The following PRKG1 variants were observed in gnomAD, a reference collection of about 807,000 sequenced individuals.
PRKG1 encodes protein kinase cGMP-dependent 1.
A neutral mutation model predicts 88.1 loss-of-function variants in PRKG1; 35 were observed. That is an observed-to-expected ratio of 0.40 (90% CI 0.30 to 0.53). The LOEUF (loss-of-function observed/expected upper bound fraction) is 0.53. PRKG1 is among the 20% of genes least tolerant of loss of function. The pLI is 0.59. For synonymous variants in PRKG1, 303 were observed against 292.5 expected (o/e 1.04, Z -0.37); for missense variants, 540 against 839.8 (o/e 0.64, Z 4.41).
chr10:51,758,146 A>C (rs913819823), intron 3 of PRKG1, among the ~76,000 whole-genome samples: 10 of 152,194 alleles, frequency 6.6e-5, no homozygotes, highest in Admixed American at 5.9e-4. Context: ...AAAAAATTTA[A>C]ACTATGTGCT....
intron 5 of PRKG1, among the ~76,000 whole-genome samples, chr10:51,972,371 T>C (rs79434946): frequency 7.4e-4 from 113 of 152,332 alleles, no homozygotes; most frequent in Non-Finnish European, 1.4e-3. Context: ...ATGCTGTTCT[T>C]GAGCTGAGTG....
chr10:52,240,698 C>T (rs187117629), intron 9 of PRKG1, among the ~76,000 whole-genome samples: 1 of 152,166 alleles, frequency 6.6e-6, no homozygotes, highest in African/African-American at 2.4e-5. Context: ...AACAACTTAA[C>T]ATGGTAAAAA....
chr10:51,897,803 A>G (rs185369966), intron 4 of PRKG1, among the ~76,000 whole-genome samples: 1 of 151,958 alleles, frequency 6.6e-6, no homozygotes, highest in South Asian at 2.1e-4. Context: ...GTGGACTCTC[A>G]TCTGGTCTAC....
intron 2 of PRKG1, among the ~76,000 whole-genome samples, chr10:51,452,653 G>A (rs187134978): frequency 4.3e-4 from 65 of 152,078 alleles, no homozygotes; most frequent in Non-Finnish European, 7.5e-4. Flanking sequence ...ACTTGATCAT[G>A]GTGGATTATC....
At chr10:51,108,795 T>C (rs1844910714) in intron 1 of PRKG1, among the ~76,000 whole-genome samples, 1 of 152,176 alleles carries the variant, frequency 6.6e-6, no homozygotes, top group Non-Finnish European at 1.5e-5. Flanking sequence ...GAATAAAAAG[T>C]ATATTTATAT....
chr10:51,018,111 C>T (rs567325954), intron 1 of PRKG1, among the ~76,000 whole-genome samples: 5 of 152,150 alleles, frequency 3.3e-5, no homozygotes, highest in Non-Finnish European at 5.9e-5. Flanking sequence ...CATGAGCCCC[C>T]GAGCCAGTGT....
chr10:51,745,190 TA>T (rs1837545667), intron 3 of PRKG1, among the ~76,000 whole-genome samples: 1 of 152,242 alleles, frequency 6.6e-6, no homozygotes, highest in Non-Finnish European at 1.5e-5. Flanking sequence ...ATATGGTTTT[TA>T]AGAGTCAAAT....
At chr10:51,916,769 C>A (rs930992120) in intron 5 of PRKG1, among the ~76,000 whole-genome samples, 1 of 152,076 alleles carries the variant, frequency 6.6e-6, no homozygotes, top group African/African-American at 2.4e-5. Flanking sequence ...GCAAACAACC[C>A]AAGTGGTCAT....
Position 52,006,467 on chromosome 10 carries a change from A to G in PRKG1, c.763-48017A>G, listed in dbSNP as rs530354448. 9.8e-5 allele frequency among the ~76,000 whole-genome samples: 15 copies of G among 152,328 alleles called. No individual in the cohort carries two copies. In the South Asian group the frequency reaches 2.7e-3, roughly 27 times the overall value. ...CTAATCTGATAGAGCTGAAAAATAC[A>G]CAAGAATTGCATAATGCAAATGTTA... On this transcript the variant is annotated intron_variant, in intron 5 of 17. Coordinates refer to ENST00000373980, the MANE Select transcript of PRKG1 (RefSeq NM_006258.4).
At chr10:51,526,961 A>G (rs1016526572) in intron 3 of PRKG1, among the ~76,000 whole-genome samples, 6 of 152,214 alleles carry the variant, frequency 3.9e-5, no homozygotes, top group African/African-American at 1.4e-4. Context: ...GAAGGACCAA[A>G]TAGTAAAAAT....
At chr10:51,186,469 C>T (rs569317632) in intron 2 of PRKG1, among the ~76,000 whole-genome samples, 2 of 151,894 alleles carry the variant, frequency 1.3e-5, no homozygotes, top group African/African-American at 4.8e-5. Flanking sequence ...TCTACCAGAT[C>T]ACATTTCATC....
chr10:52,272,369 G>T (rs1160816083), intron 11 of PRKG1, 23 bp from the exon 12 acceptor site: 2 of 1,522,578 alleles, frequency 1.3e-6, no homozygotes, highest in African/African-American at 2.8e-5. Context: ...TATAATCTTT[G>T]TTTTCTTGTT....
chr10:51,265,934 G>A (rs1399329887), intron 2 of PRKG1, among the ~76,000 whole-genome samples: 3 of 152,194 alleles, frequency 2.0e-5, no homozygotes, highest in South Asian at 2.1e-4. Flanking sequence ...TTTGTTTAGA[G>A]CAGTGGTCCT....
chr10:51,100,235 T>C (rs1844646483), intron 1 of PRKG1, among the ~76,000 whole-genome samples: 1 of 152,192 alleles, frequency 6.6e-6, no homozygotes, highest in Non-Finnish European at 1.5e-5. Flanking sequence ...CATATTCTAT[T>C]GGATAAGAAA....
At chr10:52,092,879 A>G (rs980620566) in intron 7 of PRKG1, among the ~76,000 whole-genome samples, 4 of 152,158 alleles carry the variant, frequency 2.6e-5, no homozygotes, top group Non-Finnish European at 5.9e-5. Flanking sequence ...TTTGCATGGT[A>G]AGTATGGTTT....
At chr10:51,016,692 T>C (rs1302521313) in intron 1 of PRKG1, among the ~76,000 whole-genome samples, 14 of 133,282 alleles carry the variant, frequency 1.1e-4, no homozygotes, top group African/African-American at 3.8e-4. Flanking sequence ...TTTTTTTTTT[T>C]GGAATCTTGC....
At chr10:51,290,084 A>G (rs10082353) in intron 2 of PRKG1, among the ~76,000 whole-genome samples, 1 of 151,802 alleles carries the variant, frequency 6.6e-6, no homozygotes, top group East Asian at 1.9e-4. Context: ...TCAGAGCATC[A>G]TTATCAACTT....
chr10:52,168,967 C>T (rs760289886), intron 9 of PRKG1, among the ~76,000 whole-genome samples: 1 of 152,080 alleles, frequency 6.6e-6, no homozygotes, highest in Non-Finnish European at 1.5e-5. Context: ...GTCTGGTGCT[C>T]AGACAGAAGA....
At chr10:51,672,483 GT>G (rs1840607248) in intron 3 of PRKG1, among the ~76,000 whole-genome samples, 1 of 150,992 alleles carries the variant, frequency 6.6e-6, no homozygotes, top group Non-Finnish European at 1.5e-5. Flanking sequence ...AATATTTATA[GT>G]TTTTCTTTAT....
Sources: allele counts gnomAD v4.1 joint callset (sites outside exome capture counted in the v4.1 genomes callset), GRCh38; gene constraint gnomAD v4.1.1; transcripts MANE v1.5; gene names NCBI Gene and HGNC (gene_info 2026-07-23, HGNC 2026-07-21).